The following SENP1 variants were observed in gnomAD, a reference collection of about 807,000 sequenced individuals.
SENP1 encodes sentrin-specific protease 1.
Under a neutral mutation model 93.0 loss-of-function variants are expected in SENP1, and 21 were observed. The observed-to-expected ratio is 0.23, with a 90% CI of 0.16 to 0.33. The LOEUF is 0.33. Ranked by LOEUF, SENP1 falls within the 10% of genes least tolerant of loss-of-function variation. The pLI, the probability that SENP1 is intolerant of heterozygous loss-of-function variation, is 1.00. For synonymous variants in SENP1, 256 were observed against 259.6 expected (o/e 0.99, Z 0.13); for missense variants, 591 against 758.7 (o/e 0.78, Z 2.60).
intron 5 of SENP1, among the ~76,000 whole-genome samples, chr12:48,084,447 G>T (rs558927493): frequency 4.2e-4 from 46 of 109,444 alleles, no homozygotes; most frequent in African/African-American, 1.3e-3. Flanking sequence ...CTAATTTTGA[G>T]TTTTTTTTTT....
chr12:48,081,407 T>C (rs966846483), intron 6 of SENP1: 5 of 152,056 alleles, frequency 3.3e-5, no homozygotes, highest in African/African-American at 1.2e-4. Flanking sequence ...TGAAAATTTG[T>C]GTAATGTCAA....
At chr12:48,081,623 T>G (rs958134914) in intron 6 of SENP1, among the ~76,000 whole-genome samples, 5 of 145,966 alleles carry the variant, frequency 3.4e-5, no homozygotes, top group Non-Finnish European at 5.9e-5. Context: ...CAGGCTGCAG[T>G]GCAGTGGCAC....
rs909352755 is a variant in SENP1 at position 48,049,243 on chromosome 12, T to C, written c.1408-111A>G. 5 of 782,474 alleles carry C rather than the reference T, an allele frequency of 6.4e-6. No homozygotes were observed. In the Admixed American group the frequency reaches 9.6e-5, roughly 15 times the overall value. 48.5% of individuals were successfully genotyped at this position (782,474 alleles called of 1,614,324 possible). A position where few individuals can be genotyped will look rare whatever the true frequency, so the allele number is the denominator to read the frequency against. Reference sequence around the variant, plus strand: ...GTAATTGTTTCCTAATAAACTGAATTAAGTCTTCAACATCCAACAGATTCA... The same window carrying C: ...GTAATTGTTTCCTAATAAACTGAATCAAGTCTTCAACATCCAACAGATTCA... On this transcript the variant is annotated intron_variant, in intron 13 of 17. Coordinates refer to ENST00000549518, the MANE Select transcript of SENP1 (RefSeq NM_001267594.2).
At position 48,065,619 on chromosome 12, in the gene SENP1, A is replaced by G. The variant is rs1592349009; in HGVS notation, c.1096T>C (p.Leu366=). 1 of 1,559,470 alleles carries G rather than the reference A, an allele frequency of 6.4e-7. No individual in the cohort carries two copies. Among genetic ancestry groups the G allele is most frequent in the Non-Finnish European group, 8.7e-7 (1 of 1,149,808 alleles). Residue 366 remains leucine (L), a synonymous_variant, in exon 11 of 18, where the codon TTG becomes CTG. Coordinates refer to ENST00000549518, the MANE Select transcript of SENP1 (RefSeq NM_001267594.2). The part of the protein sequence containing the change: ...RLRQIEEQKA[L]ALQLQNQRLQ... ...ACCTGGTTTTGAAGCTGTAAGGCCA[A>G]TGCCTTCTGTTCTTCAATCTGGCGC...
intron 13 of SENP1, among the ~76,000 whole-genome samples, chr12:48,063,286 C>CA (rs1943079602): frequency 6.6e-6 from 1 of 152,044 alleles, no homozygotes; most frequent in South Asian, 2.1e-4. Context: ...TATAAGTGAT[C>CA]TAAAATGAGT....
intron 6 of SENP1, among the ~76,000 whole-genome samples, chr12:48,075,290 A>G (rs1457897751): frequency 6.6e-6 from 1 of 152,198 alleles, no homozygotes; most frequent in Admixed American, 6.5e-5. Flanking sequence ...TTGAGTAAAT[A>G]CCAGATAATA....
chr12:48,094,668 A>C (rs911839689), intron 4 of SENP1, among the ~76,000 whole-genome samples: 1 of 152,132 alleles, frequency 6.6e-6, no homozygotes, highest in Non-Finnish European at 1.5e-5. Context: ...TGACAGAGCG[A>C]GACTCCATCT....
chr12:48,084,423 A>G (rs1438544282), intron 5 of SENP1, among the ~76,000 whole-genome samples: 3 of 147,626 alleles, frequency 2.0e-5, no homozygotes, highest in African/African-American at 7.5e-5. Flanking sequence ...ACCCTGTCTT[A>G]TATCTAAGGC....
intron 4 of SENP1, 83 bp downstream of exon 4, chr12:48,096,260 T>C: frequency 2.8e-6 from 2 of 716,910 alleles, no homozygotes; most frequent in Non-Finnish European, 4.7e-6. Flanking sequence ...TGTTTTTACT[T>C]TTGGAGATGA....
chr12:48,065,620 T>C lies in SENP1; in HGVS notation c.1095A>G (p.Ala365=). The C allele has an allele frequency of 6.4e-7, 1 of 1,559,920 alleles. No individual in the cohort carries two copies. Among genetic ancestry groups the C allele is most frequent in the Non-Finnish European group, 8.7e-7 (1 of 1,150,120 alleles). The change falls in exon 11 of 18, where the codon GCA becomes GCG. Residue 365 remains alanine (A), a synonymous_variant. Transcript: ENST00000549518. ...CCTGGTTTTGAAGCTGTAAGGCCAA[T>C]GCCTTCTGTTCTTCAATCTGGCGCA... is the stretch of plus-strand genomic sequence containing the variant. ...ERLRQIEEQK[A]LALQLQNQRL...
intron 13 of SENP1, among the ~76,000 whole-genome samples, chr12:48,060,824 G>A (rs1463781547): frequency 6.6e-6 from 1 of 152,076 alleles, no homozygotes; most frequent in Non-Finnish European, 1.5e-5. Context: ...TCCTGACCCA[G>A]TATAGAAATC....
chr12:48,064,718 C>T (rs1324586600), intron 12 of SENP1, among the ~76,000 whole-genome samples: 1 of 152,014 alleles, frequency 6.6e-6, no homozygotes, highest in African/African-American at 2.4e-5. Context: ...GCTCTGTCAC[C>T]CAGGCTGAAG....
intron 1 of SENP1, chr12:48,105,543 G>C (rs942917428): frequency 5.9e-6 from 3 of 508,442 alleles, no homozygotes; most frequent in Admixed American, 4.0e-5. Context: ...AGGAGAGTTG[G>C]AGAAATGTTT....
At chr12:48,066,821 ACTT>A in intron 10 of SENP1, 103 bp downstream of exon 10, 1 of 906,254 alleles carries the variant, frequency 1.1e-6, no homozygotes, top group Non-Finnish European at 1.8e-6. Flanking sequence ...CTAAACAGGT[ACTT>A]CTTATTGGCA....
At chr12:48,097,433 T>C (rs1408246348) in intron 3 of SENP1, among the ~76,000 whole-genome samples, 2 of 152,216 alleles carry the variant, frequency 1.3e-5, no homozygotes, top group Non-Finnish European at 2.9e-5. Context: ...TCCAAATTAC[T>C]AATGGCTTTC....
At position 48,081,809 on chromosome 12, in the gene SENP1, T is replaced by C. The variant is rs534706128; in HGVS notation, c.552+1782A>G. ...TCAAACTCCTGGCCTCAAGCAATCC[T>C]CCTGCTTTTGCTTCCCAAAGTGCTG... On this transcript the variant is annotated intron_variant, in intron 6 of 17. Coordinates refer to ENST00000549518, the MANE Select transcript of SENP1 (RefSeq NM_001267594.2). Among the ~76,000 whole-genome samples, 3 of 152,158 alleles carry C rather than the reference T, an allele frequency of 2.0e-5. No homozygotes were observed. The East Asian group carries it at 5.8e-4, about 29-fold the overall frequency.
chr12:48,056,813 C>A (rs1292607073), intron 13 of SENP1, among the ~76,000 whole-genome samples: 1 of 61,532 alleles, frequency 1.6e-5, no homozygotes, highest in Non-Finnish European at 2.7e-5. Context: ...TTACATATTA[C>A]ATATATAAAT....
intron 1 of SENP1, among the ~76,000 whole-genome samples, chr12:48,101,953 C>G (rs2137339926): frequency 6.6e-6 from 1 of 152,342 alleles, no homozygotes; most frequent in South Asian, 2.1e-4. Context: ...GACTTTTCTT[C>G]CATGTCTTAC....
At chr12:48,076,839 G>A (rs1444068569) in intron 6 of SENP1, among the ~76,000 whole-genome samples, 1 of 151,404 alleles carries the variant, frequency 6.6e-6, no homozygotes, top group Non-Finnish European at 1.5e-5. Flanking sequence ...TAGAGACGGG[G>A]TTTCACCATG....
Sources: allele counts gnomAD v4.1 joint callset (sites outside exome capture counted in the v4.1 genomes callset), GRCh38; gene constraint gnomAD v4.1.1; transcripts MANE v1.5; gene names NCBI Gene and HGNC (gene_info 2026-07-23, HGNC 2026-07-21).